DRC8: variants seen among roughly 807,000 people sequenced by gnomAD.
The protein encoded by DRC8 is dynein regulatory complex protein 8.
chr1:245,045,744 AGTCTGACTGGTTGTGGACAGCAGCCATCG>A, the DRC8 span, among the ~76,000 whole-genome samples: 412 of 76,948 alleles, frequency 5.4e-3, 1 homozygote, highest in African/African-American at 0.017. Context: ...GCAGGCCATT[AGTCTGACTGGTTGTGGACAGCAGCCATCG>A]GTCTGACTGG....
the DRC8 span, chr1:245,087,478 AT>A: frequency 7.3e-5 from 102 of 1,403,762 alleles, no homozygotes; most frequent in African/African-American, 1.2e-3. Flanking sequence ...TGACATAACT[AT>A]TTTAAGACAC....
At chr1:245,020,885 C>T in the DRC8 span, among the ~76,000 whole-genome samples, 2 of 151,840 alleles carry the variant, frequency 1.3e-5, no homozygotes, top group Admixed American at 6.6e-5. Flanking sequence ...CCACCTTGGC[C>T]TCCCAAAGTG....
At chr1:245,058,732 G>T in the DRC8 span, among the ~76,000 whole-genome samples, 1 of 152,200 alleles carries the variant, frequency 6.6e-6, no homozygotes, top group Non-Finnish European at 1.5e-5. Flanking sequence ...ATTGAACTAC[G>T]TTATGATGGG....
the DRC8 span, among the ~76,000 whole-genome samples, chr1:245,049,854 C>T: frequency 6.6e-6 from 1 of 152,296 alleles, no homozygotes; most frequent in South Asian, 2.1e-4. The surrounding 1 kb of genome is among the most constrained non-coding windows in gnomAD (Gnocchi z 4.5). Context: ...ATCCCGTTTC[C>T]ACCATTTGCT....
At chr1:245,062,674 G>A in the DRC8 span, among the ~76,000 whole-genome samples, 36 of 152,302 alleles carry the variant, frequency 2.4e-4, no homozygotes, top group East Asian at 1.3e-3. Context: ...CACTAAGCAC[G>A]GATTATGACT....
chr1:245,025,778 A>T, the DRC8 span, among the ~76,000 whole-genome samples: 3 of 152,198 alleles, frequency 2.0e-5, no homozygotes, highest in Non-Finnish European at 4.4e-5. Flanking sequence ...TAATTGAATC[A>T]TAGGGGCAGG....
chr1:245,107,027 A>G, the DRC8 span, among the ~76,000 whole-genome samples: 1 of 152,200 alleles, frequency 6.6e-6, no homozygotes, highest in Non-Finnish European at 1.5e-5. Flanking sequence ...CTGGGTGACA[A>G]GAGTGAAACT....
chr1:245,017,745 C>T, the DRC8 span, among the ~76,000 whole-genome samples: 12 of 152,096 alleles, frequency 7.9e-5, no homozygotes, highest in Non-Finnish European at 1.5e-4. Context: ...TGCGATGACA[C>T]ACTCCCCCTG....
chr1:244,972,652 T>C, the DRC8 span, among the ~76,000 whole-genome samples: 1 of 152,084 alleles, frequency 6.6e-6, no homozygotes, highest in African/African-American at 2.4e-5. Flanking sequence ...ACCCCGTCTC[T>C]ACTAAAAATA....
chr1:245,015,039 T>C, the DRC8 span, among the ~76,000 whole-genome samples: 7 of 152,248 alleles, frequency 4.6e-5, no homozygotes, highest in Admixed American at 3.9e-4. Context: ...ATATTTCTAA[T>C]TGAAATAATT....
chr1:244,986,366 G>C, the DRC8 span, among the ~76,000 whole-genome samples: 1 of 152,188 alleles, frequency 6.6e-6, no homozygotes, highest in East Asian at 1.9e-4. Flanking sequence ...TAAGAAAGGA[G>C]CATAGCTTAT....
chr1:244,984,047 T>A, the DRC8 span, among the ~76,000 whole-genome samples: 1 of 151,974 alleles, frequency 6.6e-6, no homozygotes, highest in Non-Finnish European at 1.5e-5. Context: ...CTCAAACTCC[T>A]GTGCTCAAGC....
At chr1:245,083,448 A>G in the DRC8 span, 5 of 1,613,798 alleles carry the variant, frequency 3.1e-6, no homozygotes, top group South Asian at 5.5e-5. Flanking sequence ...ATAGATACAG[A>G]CCAATTCCAG....
the DRC8 span, chr1:245,086,647 C>G: frequency 2.0e-6 from 1 of 494,142 alleles, no homozygotes; most frequent in Non-Finnish European, 4.2e-6. Context: ...CAAACACTTG[C>G]ATGTTGCTGC....
chr1:245,073,496 T>TGAGGATG, the DRC8 span, among the ~76,000 whole-genome samples: 2 of 152,074 alleles, frequency 1.3e-5, no homozygotes, highest in South Asian at 4.2e-4. Context: ...TAGGGGAGGC[T>TGAGGATG]GAGGATGGGG....
At chr1:244,987,498 A>G in the DRC8 span, among the ~76,000 whole-genome samples, 3 of 151,882 alleles carry the variant, frequency 2.0e-5, no homozygotes, top group Non-Finnish European at 4.4e-5. Context: ...AGCCACAGCT[A>G]CGGTATTTCA....
the DRC8 span, among the ~76,000 whole-genome samples, chr1:245,084,069 C>CCCG: frequency 1.2e-4 from 14 of 119,876 alleles, 1 homozygote; most frequent in Non-Finnish European, 1.8e-5. Context: ...TCCGCCCCCC[C>CCCG]CCCGGCGCCC....
the DRC8 span, among the ~76,000 whole-genome samples, chr1:244,989,310 C>T: frequency 3.9e-5 from 6 of 152,132 alleles, no homozygotes; most frequent in Non-Finnish European, 7.3e-5. Context: ...TTTTCTGCTC[C>T]GGAGTCCCAT....
At chr1:245,034,020 A>C in the DRC8 span, among the ~76,000 whole-genome samples, 1 of 151,902 alleles carries the variant, frequency 6.6e-6, no homozygotes, top group Non-Finnish European at 1.5e-5. Context: ...CACAGCCGGC[A>C]TCTTTTGTTT....
Sources: allele counts gnomAD v4.1 joint callset (sites outside exome capture counted in the v4.1 genomes callset), GRCh38; gene constraint gnomAD v4.1.1; non-coding constraint Gnocchi (gnomAD v3.1); transcripts MANE v1.5; gene names NCBI Gene and HGNC (gene_info 2026-07-23, HGNC 2026-07-21).